Variants in NRG1 observed in about 807,000 individuals in gnomAD.
NRG1 encodes the protein pro-neuregulin-1, membrane-bound isoform.
In NRG1, 18 loss-of-function variants were observed where a neutral mutation model predicts 63.8. That is an observed-to-expected ratio of 0.28 (90% CI 0.19 to 0.42). NRG1 has a LOEUF of 0.42. Among genes scored for constraint, NRG1 ranks in the 10% least tolerant of loss-of-function variants. The pLI is 1.00. For synonymous variants in NRG1, 302 were observed against 301.3 expected (o/e 1.00, Z -0.02); for missense variants, 762 against 814.7 (o/e 0.94, Z 0.79).
intron 1 of NRG1, among the ~76,000 whole-genome samples, chr8:32,532,972 G>T (rs569791451): frequency 6.6e-6 from 1 of 151,258 alleles, no homozygotes; most frequent in African/African-American, 2.4e-5. Flanking sequence ...GTATGTTTTG[G>T]GATTTTGTAG....
chr8:32,137,121 C>T (rs1037669460), intron 1 of NRG1, among the ~76,000 whole-genome samples: 41 of 151,932 alleles, frequency 2.7e-4, no homozygotes, highest in Admixed American at 3.9e-4. Flanking sequence ...GCTCCTTTAC[C>T]GCTGAGTCAC....
intron 1 of NRG1, among the ~76,000 whole-genome samples, chr8:32,390,507 G>A (rs1811591671): frequency 6.6e-6 from 1 of 151,762 alleles, no homozygotes; most frequent in Admixed American, 6.6e-5. Context: ...GGAGCCTGAG[G>A]TGGGAGGATT....
chr8:31,809,941 C>T (rs1273582463), intron 1 of NRG1, among the ~76,000 whole-genome samples: 2 of 151,676 alleles, frequency 1.3e-5, no homozygotes, highest in African/African-American at 4.8e-5. Context: ...ACTCAGATGT[C>T]TGATAGGCCT....
intron 1 of NRG1, among the ~76,000 whole-genome samples, chr8:32,108,826 GA>G (rs1166308842): frequency 4.6e-5 from 7 of 152,106 alleles, no homozygotes; most frequent in African/African-American, 1.7e-4. Flanking sequence ...AAAGCCCTCA[GA>G]AAGGAGTTCA....
At chr8:32,188,920 C>A (rs1842220451) in intron 1 of NRG1, among the ~76,000 whole-genome samples, 1 of 151,872 alleles carries the variant, frequency 6.6e-6, no homozygotes, top group Non-Finnish European at 1.5e-5. Context: ...TGTAACTAAC[C>A]TGCACATTGT....
intron 1 of NRG1, among the ~76,000 whole-genome samples, chr8:31,760,139 A>C (rs1817377185): frequency 6.6e-6 from 1 of 152,138 alleles, no homozygotes; most frequent in African/African-American, 2.4e-5. Flanking sequence ...AGTTGTCCTG[A>C]ATGGTAACGC....
chr8:31,859,935 T>C (rs1406542145), intron 1 of NRG1, among the ~76,000 whole-genome samples: 1 of 152,220 alleles, frequency 6.6e-6, no homozygotes, highest in Non-Finnish European at 1.5e-5. Context: ...CTGCTTAGTT[T>C]TTTTTCCCAG....
At chr8:31,730,712 A>G (rs973098885) in intron 1 of NRG1, among the ~76,000 whole-genome samples, 18 of 152,112 alleles carry the variant, frequency 1.2e-4, no homozygotes, top group Non-Finnish European at 4.4e-5. Context: ...CAGAGCAAAC[A>G]TGAAATCCAG....
At chr8:32,666,919 C>T (rs995614468) in intron 5 of NRG1, among the ~76,000 whole-genome samples, 18 of 152,308 alleles carry the variant, frequency 1.2e-4, no homozygotes, top group Admixed American at 2.6e-4. Flanking sequence ...TCAAAGTTCA[C>T]GTGTATTGCA....
intron 1 of NRG1, among the ~76,000 whole-genome samples, chr8:32,404,832 G>T (rs1293216964): frequency 1.3e-5 from 2 of 152,062 alleles, no homozygotes; most frequent in African/African-American, 4.8e-5. Context: ...TGATCCACCT[G>T]CCTTGGCCTT....
chr8:32,337,051 C>T (rs1250916673), intron 1 of NRG1, among the ~76,000 whole-genome samples: 1 of 152,028 alleles, frequency 6.6e-6, no homozygotes, highest in Non-Finnish European at 1.5e-5. Context: ...ACCCTGTCTC[C>T]CAGGTTGGAG....
chr8:31,926,581 A>G (rs1311970862), intron 1 of NRG1, among the ~76,000 whole-genome samples: 3 of 152,036 alleles, frequency 2.0e-5, no homozygotes, highest in Non-Finnish European at 4.4e-5. Context: ...TTTTAAAAAG[A>G]TTTTTCTGAA....
At chr8:32,753,857 A>G (rs1315189441) in intron 7 of NRG1, among the ~76,000 whole-genome samples, 1 of 152,188 alleles carries the variant, frequency 6.6e-6, no homozygotes, top group Non-Finnish European at 1.5e-5. Flanking sequence ...TAAAGTGATG[A>G]TATAAAATAT....
chr8:31,684,482 T>C (rs1808658821), intron 1 of NRG1, among the ~76,000 whole-genome samples: 2 of 152,200 alleles, frequency 1.3e-5, no homozygotes, highest in Admixed American at 1.3e-4. Context: ...CTTCCAGAAC[T>C]GCGAGAAATA....
intron 1 of NRG1, among the ~76,000 whole-genome samples, chr8:32,230,354 T>G (rs960272790): frequency 1.3e-5 from 2 of 152,180 alleles, no homozygotes; most frequent in Admixed American, 1.3e-4. Flanking sequence ...TAAAGTAAGA[T>G]GGCTGTTTGG....
intron 1 of NRG1, chr8:31,639,901 G>T: frequency 9.2e-7 from 1 of 1,089,736 alleles, no homozygotes; most frequent in Non-Finnish European, 1.1e-6. Flanking sequence ...GAGTGGTGCT[G>T]CGAGGGGAAG....
intron 1 of NRG1, among the ~76,000 whole-genome samples, chr8:31,934,704 A>G (rs1297282979): frequency 7.2e-5 from 11 of 152,104 alleles, no homozygotes; most frequent in Admixed American, 7.2e-4. Flanking sequence ...CTACTATTTA[A>G]TGAAACTTTT....
intron 1 of NRG1, among the ~76,000 whole-genome samples, chr8:32,366,463 C>A (rs1227834486): frequency 6.6e-6 from 1 of 151,772 alleles, no homozygotes; most frequent in Admixed American, 6.6e-5. Flanking sequence ...TCTTTCTGTG[C>A]CTGGCTTATT....
chr8:31,896,021 C>T (rs192725798), intron 1 of NRG1, among the ~76,000 whole-genome samples: 181 of 152,196 alleles, frequency 1.2e-3, no homozygotes, highest in African/African-American at 4.1e-3. Context: ...ACTCTTGGAA[C>T]GTGTTTTTGC....
Sources: gnomAD v4.1 joint callset for allele counts (sites outside exome capture counted in the v4.1 genomes callset) on GRCh38, gnomAD v4.1.1 for gene constraint, MANE v1.5 for transcripts, NCBI Gene and HGNC (gene_info 2026-07-23, HGNC 2026-07-21) for gene names.